Variants in GPM6B observed in about 807,000 individuals in gnomAD.
The protein encoded by GPM6B is glycoprotein M6B, also known as neuronal membrane glycoprotein M6-b.
Under a neutral mutation model 27.2 loss-of-function variants are expected in GPM6B, and 4 were observed. The ratio of observed to expected loss-of-function variants is 0.15; its 90% CI spans 0.07 to 0.34. The LOEUF (loss-of-function observed/expected upper bound fraction) is 0.34. GPM6B is among the 10% of genes least tolerant of loss of function. GPM6B has a pLI of 1.00. For missense variants in GPM6B, 183 were observed against 261.9 expected, an observed-to-expected ratio of 0.70 and a Z score of 2.08; for synonymous variants, 124 against 103.1, an observed-to-expected ratio of 1.20 and a Z score of -1.23.
chrX:13,917,359 C>G (rs1337492872), intron 1 of GPM6B, among the ~76,000 whole-genome samples: 1 of 112,576 alleles, frequency 8.9e-6, no homozygotes, highest in Non-Finnish European at 1.9e-5. Flanking sequence ...TGTTAGTTCT[C>G]CAAACAATTT....
At chrX:13,867,712 A>G (rs2049934167) in intron 1 of GPM6B, among the ~76,000 whole-genome samples, 1 of 111,764 alleles carries the variant, frequency 8.9e-6, no homozygotes, top group South Asian at 3.8e-4. Flanking sequence ...GACAAACCAG[A>G]AAGATGAGGA....
intron 1 of GPM6B, among the ~76,000 whole-genome samples, chrX:13,853,237 G>A (rs1385562108): frequency 9.0e-6 from 1 of 110,947 alleles, no homozygotes; most frequent in South Asian, 3.8e-4. Flanking sequence ...AGGATCCATG[G>A]GACTTAGTAT....
intron 1 of GPM6B, among the ~76,000 whole-genome samples, chrX:13,926,269 G>A (rs191450671): frequency 1.7e-3 from 164 of 98,973 alleles, no homozygotes; most frequent in African/African-American, 5.7e-3. Flanking sequence ...TTAGCCGGGC[G>A]TAGTGGCGGG....
intron 2 of GPM6B, 25 bp downstream of exon 2, chrX:13,807,625 G>C (rs187272134): frequency 1.8e-6 from 2 of 1,111,704 alleles, no homozygotes; most frequent in Non-Finnish European, 2.4e-6. Flanking sequence ...CTTGCTATTA[G>C]AATTCACCCC....
chrX:13,775,116 C>G (rs976578700), intron 7 of GPM6B, among the ~76,000 whole-genome samples: 2 of 112,320 alleles, frequency 1.8e-5, no homozygotes, highest in African/African-American at 6.5e-5. Context: ...CCTTGCTCTA[C>G]CAATCTTAGT....
At chrX:13,792,729 G>A (rs906958520) in intron 2 of GPM6B, among the ~76,000 whole-genome samples, 3 of 110,789 alleles carry the variant, frequency 2.7e-5, no homozygotes, top group East Asian at 2.8e-4. Context: ...GTGAAACCCC[G>A]TCTCTACTAA....
intron 1 of GPM6B, among the ~76,000 whole-genome samples, chrX:13,841,808 C>G (rs778828891): frequency 6.3e-5 from 7 of 111,789 alleles, no homozygotes; most frequent in Non-Finnish European, 1.3e-4. Flanking sequence ...TATCACCGAC[C>G]TTCATGGATT....
rs72614526 is a variant in GPM6B, at chrX:13,890,276, C to T, written c.-198+48051G>A. Among the ~76,000 whole-genome samples, 2,399 of 111,853 alleles carry T rather than the reference C, an allele frequency of 0.021. 59 individuals are homozygous for T. The South Asian group carries it at 0.22, about 10-fold the overall frequency. On this transcript the variant is annotated intron_variant, in intron 1 of 6. Transcript: ENST00000398361. ...TGACAGTTTACAAATACCATGGCAACGTCAGAAAGTTACCCTATATGGTCT... is the reference window on the plus strand; with the variant it reads ...TGACAGTTTACAAATACCATGGCAATGTCAGAAAGTTACCCTATATGGTCT...
At chrX:13,870,153 T>C (rs2049959428) in intron 1 of GPM6B, among the ~76,000 whole-genome samples, 1 of 112,124 alleles carries the variant, frequency 8.9e-6, no homozygotes, top group Admixed American at 9.5e-5. Context: ...TTGCAATGCA[T>C]TGCATGGGGG....
chrX:13,799,916 C>A (rs5979974), intron 2 of GPM6B, among the ~76,000 whole-genome samples: 26,941 of 110,844 alleles, frequency 0.24, 2,587 homozygotes, highest in Middle Eastern at 0.31. Context: ...TAAGACACCA[C>A]CCCCAATGAT....
chrX:13,810,535 G>C (rs755187048), intron 1 of GPM6B, among the ~76,000 whole-genome samples: 1 of 111,178 alleles, frequency 9.0e-6, no homozygotes, highest in South Asian at 3.8e-4. Context: ...TTTTACCCAA[G>C]CCAGGCCATG....
chrX:13,917,444 A>G lies in GPM6B; in HGVS notation c.-198+20883T>C, dbSNP rs935448623. On this transcript the variant is annotated intron_variant, in intron 1 of 6. Transcript: ENST00000398361. ...CTGGACGTGAGCAAATTATGAACACAGGTTTTTACAGCAATCAAACTGTAG... is the reference window on the plus strand; with the variant it reads ...CTGGACGTGAGCAAATTATGAACACGGGTTTTTACAGCAATCAAACTGTAG... 4.4e-5 allele frequency among the ~76,000 whole-genome samples: 5 copies of G among 112,386 alleles called. No homozygotes were observed. In the East Asian group the frequency reaches 1.4e-3, roughly 31 times the overall value.
chrX:13,783,606 G>A, intron 3 of GPM6B, 85 bp from the exon 4 acceptor site: 1 of 805,288 alleles, frequency 1.2e-6, no homozygotes, highest in Non-Finnish European at 1.8e-6. Flanking sequence ...GAGGACATGA[G>A]GGGGATGTTC....
At chrX:13,870,203 T>C (rs2049960316) in intron 1 of GPM6B, among the ~76,000 whole-genome samples, 1 of 112,306 alleles carries the variant, frequency 8.9e-6, no homozygotes, top group Admixed American at 9.4e-5. Context: ...ACATTAACCT[T>C]GATCACTTGG....
intron 1 of GPM6B, among the ~76,000 whole-genome samples, chrX:13,927,917 T>C (rs1173800392): frequency 8.9e-6 from 1 of 112,302 alleles, no homozygotes; most frequent in African/African-American, 3.2e-5. Context: ...ACAGCTGCTG[T>C]GTCAATGCTT....
At chrX:13,893,687 C>T (rs758350872) in intron 1 of GPM6B, among the ~76,000 whole-genome samples, 1 of 112,109 alleles carries the variant, frequency 8.9e-6, no homozygotes, top group South Asian at 3.7e-4. Context: ...GTTTTTAATA[C>T]CCCACAAATA....
intron 1 of GPM6B, among the ~76,000 whole-genome samples, chrX:13,846,431 G>A (rs1030885036): frequency 7.2e-5 from 8 of 111,829 alleles, no homozygotes; most frequent in African/African-American, 2.6e-4. Flanking sequence ...AGAAGTGTAA[G>A]GAAATCTCTG....
chrX:13,858,344 G>A (rs2049805284), intron 1 of GPM6B, among the ~76,000 whole-genome samples: 1 of 111,757 alleles, frequency 8.9e-6, no homozygotes, highest in African/African-American at 3.3e-5. Flanking sequence ...AATCAGTAGT[G>A]TGCTGGTAAA....
chrX:13,773,523 A>T (rs2048342625), intron 7 of GPM6B: 2 of 111,941 alleles, frequency 1.8e-5, no homozygotes, highest in African/African-American at 6.5e-5. Context: ...AAAAAATTAA[A>T]TGAATGTCAA....
Sources: allele counts gnomAD v4.1 joint callset (sites outside exome capture counted in the v4.1 genomes callset), GRCh38; gene constraint gnomAD v4.1.1; transcripts MANE v1.5; gene names NCBI Gene and HGNC (gene_info 2026-07-23, HGNC 2026-07-21).